The following DNAH10 variants were observed in gnomAD, a reference collection of about 807,000 sequenced individuals.
The protein encoded by DNAH10 is dynein axonemal heavy chain 10, also known as axonemal beta dynein heavy chain 10.
In DNAH10, 348 loss-of-function variants were observed where a neutral mutation model predicts 506.6. The ratio of observed to expected loss-of-function variants is 0.69; its 90% CI spans 0.63 to 0.75. The LOEUF is 0.75. Ranked by LOEUF, DNAH10 falls within the 30% of genes least tolerant of loss-of-function variation. The pLI, the probability that DNAH10 is intolerant of heterozygous loss-of-function variation, is 0.00. For missense variants in DNAH10, 5,179 were observed against 5,787.1 expected (o/e 0.89, Z 3.41); for synonymous variants, 2,059 against 2,198.6 (o/e 0.94, Z 1.78).
chr12:123,778,181 T>C (rs1482497972), intron 5 of DNAH10, among the ~76,000 whole-genome samples: 1 of 147,710 alleles, frequency 6.8e-6, no homozygotes, highest in Non-Finnish European at 1.5e-5. Context: ...ACAGCCTGGG[T>C]GACAGAGAGA....
Position 123,813,163 on chromosome 12 carries a change from G to C in DNAH10, c.3145-1G>C. On this transcript the variant is annotated splice_acceptor_variant, in intron 19 of 78. Coordinates refer to ENST00000673944, the MANE Select transcript of DNAH10 (RefSeq NM_001372106.1). LOFTEE classifies it high-confidence loss of function. ...TTTTCTCCTAATTCTTACTTTGCCAGCATTTTGTTCGTTGGATGAATGGCA... is the reference window on the plus strand; with the variant it reads ...TTTTCTCCTAATTCTTACTTTGCCACCATTTTGTTCGTTGGATGAATGGCA... 6.3e-7 allele frequency: 1 copy of C among 1,597,610 alleles called. No individual in the cohort carries two copies. The highest frequency in any genetic ancestry group is 8.5e-7 in the Non-Finnish European group (1 of 1,171,914).
chr12:123,881,874 C>A, intron 51 of DNAH10, 61 bp downstream of exon 51: 2 of 1,388,670 alleles, frequency 1.4e-6, no homozygotes, highest in Non-Finnish European at 1.9e-6. Context: ...GTTGGTAGTT[C>A]GTGTACATAT....
chr12:123,827,046 T>C, intron 25 of DNAH10, 148 bp downstream of exon 25: 1 of 621,454 alleles, frequency 1.6e-6, no homozygotes, highest in Non-Finnish European at 2.6e-6. Context: ...GACACAGTTC[T>C]ATAATGTTGT....
rs183730129 is a variant in DNAH10 at position 123,913,950 on chromosome 12, C to G, written c.10353-379C>G. Reference sequence around the variant, plus strand: ...AAATGAAACAGACGCTTTCTTTTATCTTGGGTGGAATTCTGTCATTGAGTG... The same window carrying G: ...AAATGAAACAGACGCTTTCTTTTATGTTGGGTGGAATTCTGTCATTGAGTG... On this transcript the variant is annotated intron_variant, in intron 60 of 78. Transcript: ENST00000673944. This position sits in a 1 kb window ranked among gnomAD's most constrained non-coding sequence, Gnocchi z 5.1. 3.9e-5 allele frequency among the ~76,000 whole-genome samples: 6 copies of G among 152,330 alleles called. No homozygotes were observed. Among genetic ancestry groups the G allele is most frequent in the African/African-American group, 1.4e-4 (6 of 41,584 alleles).
At position 123,909,682 on chromosome 12, in the gene DNAH10, G is replaced by A. The variant is rs1450512768; in HGVS notation, c.9997+240G>A. On this transcript the variant is annotated intron_variant, in intron 58 of 78. Transcript: ENST00000673944. The surrounding 1 kb of genome is among the most constrained non-coding windows in gnomAD (Gnocchi z 5.4). ...GCCGTGCCCACTGAGGGTTCGATTC[G>A]GCACTAGTCCTAGCTCTCCGTGTCA... 5.3e-5 allele frequency among the ~76,000 whole-genome samples: 8 copies of A among 152,342 alleles called. No individual in the cohort carries two copies. The East Asian group carries it at 5.8e-4, about 11-fold the overall frequency.
chr12:123,766,855 G>C (rs1458979353), intron 1 of DNAH10, among the ~76,000 whole-genome samples: 1 of 151,062 alleles, frequency 6.6e-6, no homozygotes, highest in Non-Finnish European at 1.5e-5. Flanking sequence ...GTAAATGTTA[G>C]TGTAGTTGAG....
chr12:123,909,682 G>T lies in DNAH10; in HGVS notation c.9997+240G>T, dbSNP rs1450512768. On this transcript the variant is annotated intron_variant, in intron 58 of 78. Transcript: ENST00000673944. This position sits in a 1 kb window ranked among gnomAD's most constrained non-coding sequence, Gnocchi z 5.4. ...GCCGTGCCCACTGAGGGTTCGATTC[G>T]GCACTAGTCCTAGCTCTCCGTGTCA... Among the ~76,000 whole-genome samples, 1 of 152,224 alleles carries T rather than the reference G, an allele frequency of 6.6e-6. No individual in the cohort carries two copies. Among genetic ancestry groups the T allele is most frequent in the African/African-American group, 2.4e-5 (1 of 41,450 alleles).
At chr12:123,796,206 C>T (rs1364023587) in intron 12 of DNAH10, among the ~76,000 whole-genome samples, 1 of 152,078 alleles carries the variant, frequency 6.6e-6, no homozygotes, top group South Asian at 2.1e-4. Context: ...CCTGTCCTCG[C>T]AGCACTTTGG....
chr12:123,915,042 G>A, intron 62 of DNAH10, 43 bp downstream of exon 62: 1 of 1,551,600 alleles, frequency 6.4e-7, no homozygotes, highest in African/African-American at 1.4e-5. Context: ...CCCTATTCCT[G>A]TTCTCTGGAG....
chr12:123,865,868 A>C, intron 40 of DNAH10, 83 bp from the exon 41 acceptor site: 1 of 1,376,610 alleles, frequency 7.3e-7, no homozygotes, highest in Non-Finnish European at 9.6e-7. Context: ...AGTTGTAAAA[A>C]CTTTCCATAA....
At chr12:123,920,451 G>C (rs556907728) in intron 65 of DNAH10, among the ~76,000 whole-genome samples, 123 of 152,366 alleles carry the variant, frequency 8.1e-4, no homozygotes, top group African/African-American at 2.8e-3. Context: ...TGATATGGAA[G>C]TGAATGGCCA....
At chr12:123,843,824 G>A (rs936662454) in intron 30 of DNAH10, among the ~76,000 whole-genome samples, 2 of 152,102 alleles carry the variant, frequency 1.3e-5, no homozygotes, top group East Asian at 1.9e-4. Flanking sequence ...GTGATCTGCC[G>A]GCCTCGGCCT....
intron 57 of DNAH10, among the ~76,000 whole-genome samples, chr12:123,904,976 G>A (rs573549273): frequency 5.9e-5 from 9 of 152,258 alleles, no homozygotes; most frequent in Admixed American, 2.6e-4. Flanking sequence ...CACTTCCTGA[G>A]GATTTTCATG....
chr12:123,804,307 C>A (rs1958578426), intron 17 of DNAH10, among the ~76,000 whole-genome samples: 1 of 152,090 alleles, frequency 6.6e-6, no homozygotes, highest in African/African-American at 2.4e-5. Context: ...AGGCAGATCA[C>A]AAGGTCAGGA....
intron 5 of DNAH10, among the ~76,000 whole-genome samples, chr12:123,774,781 C>T (rs1401131522): frequency 2.0e-5 from 3 of 152,228 alleles, no homozygotes; most frequent in Non-Finnish European, 4.4e-5. Context: ...AAACCCACAA[C>T]CTTCCAGCTT....
At chr12:123,820,305 C>T (rs760883471) in intron 23 of DNAH10, among the ~76,000 whole-genome samples, 1 of 152,010 alleles carries the variant, frequency 6.6e-6, no homozygotes, top group Non-Finnish European at 1.5e-5. Context: ...ATGGTGATGT[C>T]GACCACAACA....
At chr12:123,810,809 G>C (rs1958904218) in intron 19 of DNAH10, among the ~76,000 whole-genome samples, 1 of 152,136 alleles carries the variant, frequency 6.6e-6, no homozygotes, top group South Asian at 2.1e-4. Flanking sequence ...TAGGTGCTAT[G>C]TATGTTTCCT....
intron 55 of DNAH10, among the ~76,000 whole-genome samples, 181 bp from the exon 56 acceptor site, chr12:123,898,472 G>A (rs1455752531): frequency 6.6e-6 from 1 of 152,254 alleles, no homozygotes; most frequent in African/African-American, 2.4e-5. Flanking sequence ...ACTGTCTTCA[G>A]AAATACATTC....
intron 51 of DNAH10, among the ~76,000 whole-genome samples, chr12:123,885,445 G>A (rs544302830): frequency 6.6e-6 from 1 of 152,204 alleles, no homozygotes; most frequent in Admixed American, 6.5e-5. Flanking sequence ...GAACACCTTT[G>A]TTTATGTATC....
Sources: allele counts gnomAD v4.1 joint callset (sites outside exome capture counted in the v4.1 genomes callset), GRCh38; gene constraint gnomAD v4.1.1; non-coding constraint Gnocchi (gnomAD v3.1); transcripts MANE v1.5; gene names NCBI Gene and HGNC (gene_info 2026-07-23, HGNC 2026-07-21).